JMJD1C: variants seen among roughly 807,000 people sequenced by gnomAD.
The protein encoded by JMJD1C is jumonji domain-containing protein 1C.
In JMJD1C, 31 loss-of-function variants were observed where a neutral mutation model predicts 245.3. The observed-to-expected ratio is 0.13, with a 90% confidence interval of 0.09 to 0.17. The LOEUF (loss-of-function observed/expected upper bound fraction) is 0.17, where lower values mean the gene tolerates loss of function less well. Among genes scored for constraint, JMJD1C ranks in the 10% least tolerant of loss-of-function variants. The pLI is 1.00. For missense variants in JMJD1C, 2,691 were observed against 3,000.2 expected, an observed-to-expected ratio of 0.90 and a Z score of 2.41; for synonymous variants, 1,057 against 1,017.4, an observed-to-expected ratio of 1.04 and a Z score of -0.74.
At chr10:63,268,486 A>C (rs1855898781) in intron 2 of JMJD1C, among the ~76,000 whole-genome samples, 1 of 152,202 alleles carries the variant, frequency 6.6e-6, no homozygotes, top group South Asian at 2.1e-4. Context: ...CAGTTATTAA[A>C]TTACTACAAA....
chr10:63,356,113 T>C (rs1944823380), intron 2 of JMJD1C, among the ~76,000 whole-genome samples: 1 of 152,198 alleles, frequency 6.6e-6, no homozygotes, highest in South Asian at 2.1e-4. Flanking sequence ...CATAGCAGCA[T>C]ATGGCAGTGC....
chr10:63,383,255 C>T (rs1393720126), intron 1 of JMJD1C, among the ~76,000 whole-genome samples: 2 of 150,458 alleles, frequency 1.3e-5, no homozygotes, highest in Non-Finnish European at 3.0e-5. Flanking sequence ...AGAATATCCA[C>T]TAAAGATATT....
At chr10:63,391,623 G>A (rs1421909217) in intron 1 of JMJD1C, among the ~76,000 whole-genome samples, 1 of 152,010 alleles carries the variant, frequency 6.6e-6, no homozygotes, top group Non-Finnish European at 1.5e-5. Context: ...TGCCTACAAT[G>A]AAAACTACAA....
intron 2 of JMJD1C, among the ~76,000 whole-genome samples, chr10:63,288,948 T>G (rs1434499822): frequency 6.7e-6 from 1 of 149,510 alleles, no homozygotes; most frequent in Non-Finnish European, 1.5e-5. Flanking sequence ...CTGTATATTT[T>G]ATTTAAGTCT....
chr10:63,359,922 A>G (rs1380256916), intron 2 of JMJD1C, among the ~76,000 whole-genome samples: 1 of 152,160 alleles, frequency 6.6e-6, no homozygotes, highest in Non-Finnish European at 1.5e-5. Flanking sequence ...TCAGTGTAGC[A>G]TTTAAAAATA....
At chr10:63,328,754 G>A (rs1008964411) in intron 2 of JMJD1C, among the ~76,000 whole-genome samples, 3 of 152,146 alleles carry the variant, frequency 2.0e-5, no homozygotes, top group Non-Finnish European at 4.4e-5. Context: ...TAGCTAATAA[G>A]TAGAATTACA....
chr10:63,180,018 G>A (rs1843286190), intron 22 of JMJD1C, among the ~76,000 whole-genome samples: 1 of 150,758 alleles, frequency 6.6e-6, no homozygotes, highest in African/African-American at 2.4e-5. Flanking sequence ...TTTATTTTTC[G>A]AGACACAGTC....
chr10:63,363,709 C>T (rs1194607070), intron 2 of JMJD1C, among the ~76,000 whole-genome samples: 1 of 151,884 alleles, frequency 6.6e-6, no homozygotes. Context: ...TTTTATGAGA[C>T]AGGGTCTCAC....
chr10:63,221,892 T>C (rs549452810), intron 3 of JMJD1C, among the ~76,000 whole-genome samples: 1 of 152,242 alleles, frequency 6.6e-6, no homozygotes, highest in African/African-American at 2.4e-5. Context: ...TGGCTAATTT[T>C]TGTATTTTTA....
chr10:63,265,111 T>A lies in JMJD1C; in HGVS notation c.334-347A>T, dbSNP rs549423762. On this transcript the variant is annotated intron_variant, in intron 2 of 25. Transcript: ENST00000399262. ...AACAGTAAACTGGGTTGTAGAGCTA[T>A]TTACCCCCACCTTTTTTTTTTAACT... Among the ~76,000 whole-genome samples, 19 of 150,704 alleles carry A rather than the reference T, an allele frequency of 1.3e-4. No individual in the cohort carries two copies. In the East Asian group the frequency reaches 3.7e-3, roughly 29 times the overall value.
chr10:63,168,694 A>C, intron 24 of JMJD1C, 128 bp from the exon 25 acceptor site: 1 of 780,294 alleles, frequency 1.3e-6, no homozygotes, highest in Non-Finnish European at 1.8e-6. Flanking sequence ...AAAACATCAA[A>C]TGGATTTTAA....
At chr10:63,224,036 C>T (rs564326264) in intron 3 of JMJD1C, among the ~76,000 whole-genome samples, 37 of 152,262 alleles carry the variant, frequency 2.4e-4, no homozygotes, top group African/African-American at 7.9e-4. Context: ...CATGAGCCTC[C>T]GAGCCCAGCC....
intron 2 of JMJD1C, among the ~76,000 whole-genome samples, chr10:63,342,561 A>T (rs1051709772): frequency 3.3e-5 from 5 of 152,238 alleles, no homozygotes; most frequent in Non-Finnish European, 7.3e-5. Context: ...AAAACACAGC[A>T]TCAGAGGTGG....
intron 3 of JMJD1C, among the ~76,000 whole-genome samples, chr10:63,238,055 C>T (rs1437757611): frequency 6.9e-6 from 1 of 144,238 alleles, no homozygotes; most frequent in Non-Finnish European, 1.5e-5. Flanking sequence ...GAGGCAGGTG[C>T]CTGTAATCCC....
chr10:63,258,155 A>G (rs1471205233), intron 3 of JMJD1C, among the ~76,000 whole-genome samples: 1 of 152,236 alleles, frequency 6.6e-6, no homozygotes, highest in East Asian at 1.9e-4. Flanking sequence ...GTATCATTTC[A>G]TTTAATCTTT....
intron 3 of JMJD1C, chr10:63,222,469 G>T (rs912490113): frequency 1.2e-5 from 12 of 974,604 alleles, no homozygotes; most frequent in Non-Finnish European, 2.0e-5. Context: ...ACAATAAAGG[G>T]AAAGTTGTGG....
At chr10:63,383,233 A>G (rs1323349182) in intron 1 of JMJD1C, among the ~76,000 whole-genome samples, 3 of 138,910 alleles carry the variant, frequency 2.2e-5, no homozygotes, top group Non-Finnish European at 4.7e-5. Context: ...AAAAAAAAAA[A>G]GCTTATCTAT....
chr10:63,291,980 C>T (rs1451149689), intron 2 of JMJD1C, among the ~76,000 whole-genome samples: 1 of 151,376 alleles, frequency 6.6e-6, no homozygotes, highest in African/African-American at 2.4e-5. Context: ...AGACAGGGTC[C>T]CACTCTGTTG....
chr10:63,472,770 T>C (rs1953532741), intron 1 of JMJD1C, among the ~76,000 whole-genome samples: 1 of 152,244 alleles, frequency 6.6e-6, no homozygotes. Flanking sequence ...TTAGGAATTT[T>C]ATAATTCAAT....
Sources: allele counts gnomAD v4.1 joint callset (sites outside exome capture counted in the v4.1 genomes callset), GRCh38; gene constraint gnomAD v4.1.1; transcripts MANE v1.5; gene names NCBI Gene and HGNC (gene_info 2026-07-23, HGNC 2026-07-21).